Variants in PF4 observed in about 807,000 individuals in gnomAD.
PF4 encodes the protein C-X-C motif chemokine 4.
In PF4, 8 loss-of-function variants were observed where a neutral mutation model predicts 6.9. The observed-to-expected ratio is 1.16, with a 90% CI of 0.68 to 2.09. The LOEUF is 2.09. Among genes scored for constraint, PF4 ranks in the 30% most tolerant of loss-of-function variants. The pLI is 0.00. For synonymous variants in PF4, 55 were observed against 56.5 expected (o/e 0.97, Z 0.12); for missense variants, 111 against 122.9 (o/e 0.90, Z 0.46).
chr4:73,981,774 A>T (rs1168943869), intron 1 of PF4, 89 bp downstream of exon 1: 2 of 1,503,636 alleles, frequency 1.3e-6, no homozygotes, highest in African/African-American at 2.8e-5. Flanking sequence ...GGCTGTGATC[A>T]TGATCCTAGA....
Position 73,981,098 on chromosome 4 carries a change from A to C in PF4, c.*106T>G. The C allele has an allele frequency of 1.3e-6, 1 of 786,584 alleles. No homozygotes were observed. The highest frequency in any genetic ancestry group is 1.8e-5 in the South Asian group (1 of 55,662). 48.7% of individuals were successfully genotyped at this position (786,584 alleles called of 1,614,324 possible). On this transcript the variant is annotated 3_prime_UTR_variant, in exon 3 of 3. Coordinates refer to ENST00000296029, the MANE Select transcript of PF4 (RefSeq NM_002619.4). The stretch of plus-strand genomic sequence containing the variant: ...CAACTTGATTTATTTTGTTTATTTA[A>C]AATCATAAGGATAACACAAATATCA...
chr4:73,981,844 G>A lies in PF4; in HGVS notation c.91+19C>T, dbSNP rs1349991219. 2 of 1,550,430 alleles carry A rather than the reference G, an allele frequency of 1.3e-6. No individual in the cohort carries two copies. The highest frequency in any genetic ancestry group is 2.7e-5 in the African/African-American group (2 of 72,994). On this transcript the variant is annotated intron_variant, in intron 1 of 2. Transcript: ENST00000296029. ...CCCCTCGCCGCTGCCAGCCCTCACA[G>A]CCTGGCTTCTGCTCTCACCGCTGGC...
upstream of PF4, chr4:73,982,090 T>C (rs1310629615): frequency 6.6e-6 from 4 of 601,818 alleles, no homozygotes; most frequent in Non-Finnish European, 8.3e-6. Context: ...AAGCCTGAAG[T>C]GGACACCGAG....
At chr4:73,981,608 A>G in intron 1 of PF4, 65 bp from the exon 2 acceptor site, 1 of 1,555,974 alleles carries the variant, frequency 6.4e-7, no homozygotes, top group Admixed American at 1.9e-5. Context: ...ATGAGTAGCC[A>G]GAGGTACTTT....
At chr4:73,981,383 C>G (rs779080099) in intron 2 of PF4, 34 bp downstream of exon 2, 2 of 1,614,004 alleles carry the variant, frequency 1.2e-6, no homozygotes, top group Admixed American at 3.3e-5. Context: ...AGGCACGGAG[C>G]GGGAGCACTG....
At position 73,981,126 on chromosome 4, in the gene PF4, A is replaced by G; in HGVS notation, c.*78T>C. ...TCATAAGGATAACACAAATATCAGA[A>G]GTTCTTTCACAGTTAGATTGAAACT... On this transcript the variant is annotated 3_prime_UTR_variant, in exon 3 of 3. Transcript: ENST00000296029. 1 of 952,078 alleles carries G rather than the reference A, an allele frequency of 1.1e-6. No homozygotes were observed. The highest frequency in any genetic ancestry group is 1.7e-6 in the Non-Finnish European group (1 of 597,422). 59.0% of individuals were successfully genotyped at this position (952,078 alleles called of 1,614,324 possible).
rs352004 is a variant in PF4 at position 73,980,853 on chromosome 4, G to A, written c.*351C>T. Among the ~76,000 whole-genome samples, 11,212 of 152,152 alleles carry A rather than the reference G, an allele frequency of 0.074. 1,320 individuals are homozygous for A. The highest frequency in any genetic ancestry group is 0.25 in the African/African-American group (10,346 of 41,470). On this transcript the variant is annotated 3_prime_UTR_variant, in exon 3 of 3. Transcript: ENST00000296029. ...GTGTTACTGATATTTATTGGCAAAG[G>A]TAATAATAATGGTCAAGGTAAATAT...
Position 73,981,180 on chromosome 4 carries a change from T to A in PF4, c.*24A>T, listed in dbSNP as rs776469211. ...AAAAAGAAGTATGCTATATAGCAAA[T>A]GCACACACGTAGGCAGCTAGTAGCT... On this transcript the variant is annotated 3_prime_UTR_variant, in exon 3 of 3. Coordinates refer to ENST00000296029, the MANE Select transcript of PF4 (RefSeq NM_002619.4). The A allele has an allele frequency of 6.5e-7, 1 of 1,531,286 alleles. No individual in the cohort carries two copies. Among genetic ancestry groups the A allele is most frequent in the South Asian group, 1.1e-5 (1 of 89,444 alleles). The allele number at this position is 1,531,286 out of a possible 1,614,324, so 94.9% of individuals were successfully genotyped here. A position where few individuals can be genotyped will look rare whatever the true frequency, so the allele number is the denominator to read the frequency against.
intron 1 of PF4, 141 bp downstream of exon 1, chr4:73,981,722 T>G: frequency 6.8e-7 from 1 of 1,475,082 alleles, no homozygotes; most frequent in Admixed American, 2.4e-5. Flanking sequence ...GTGCAGCGCC[T>G]GGCACTGTGG....
At position 73,981,196 on chromosome 4, in the gene PF4, G is replaced by A. The variant is rs770725817; in HGVS notation, c.*8C>T. On this transcript the variant is annotated 3_prime_UTR_variant, in exon 3 of 3. Coordinates refer to ENST00000296029, the MANE Select transcript of PF4 (RefSeq NM_002619.4). ...TATAGCAAATGCACACACGTAGGCA[G>A]CTAGTAGCTAACTCTCCAAAAGTTT... The A allele has an allele frequency of 4.6e-5, 74 of 1,602,246 alleles. No individual in the cohort carries two copies. Among genetic ancestry groups the A allele is most frequent in the Non-Finnish European group, 5.9e-5 (69 of 1,169,232 alleles).
chr4:73,981,809 T>C (rs1718804564), intron 1 of PF4, 54 bp downstream of exon 1: 5 of 1,543,084 alleles, frequency 3.2e-6, no homozygotes, highest in Non-Finnish European at 3.5e-6. Flanking sequence ...CCCCAGGGCT[T>C]CCCGGACTCC....
At chr4:73,982,060 C>T (rs1718819711), upstream of PF4, 1 of 895,062 alleles carries the variant, frequency 1.1e-6, no homozygotes, top group South Asian at 1.7e-5. Flanking sequence ...GTTTTATTCC[C>T]GGCTGTCCTT....
Position 73,981,961 on chromosome 4 carries a change from C to T in PF4, c.-8G>A. On this transcript the variant is annotated 5_prime_UTR_variant, in exon 1 of 3. Coordinates refer to ENST00000296029, the MANE Select transcript of PF4 (RefSeq NM_002619.4). The stretch of plus-strand genomic sequence containing the variant: ...CCCGGCTGCGGAGCTCATGCTGCGG[C>T]AGAGCTTCCAGCAGGATCTCAGTGC... 1.3e-6 allele frequency: 2 copies of T among 1,549,832 alleles called. No individual in the cohort carries two copies. The highest frequency in any genetic ancestry group is 1.2e-5 in the South Asian group (1 of 83,968).
chr4:73,981,527 A>G lies in PF4; in HGVS notation c.108T>C (p.Asp36=). 6.2e-7 allele frequency: 1 copy of G among 1,613,612 alleles called. No homozygotes were observed. Among genetic ancestry groups the G allele is most frequent in the Non-Finnish European group, 8.5e-7 (1 of 1,179,756 alleles). The change falls in exon 2 of 3, where the codon GAT becomes GAC. Residue 36 remains aspartate, a synonymous_variant. Transcript: ENST00000296029. ...VAFASAEAEE[D]GDLQCLCVKT... The stretch of plus-strand genomic sequence containing the variant: ...TCACACACAGGCACTGCAGGTCCCC[A>G]TCTTCTTCAGCTTCAGCTGAGGGGG...
At chr4:73,981,842 C>T in intron 1 of PF4, 21 bp downstream of exon 1, 1 of 1,550,446 alleles carries the variant, frequency 6.4e-7, no homozygotes, top group Non-Finnish European at 8.7e-7. Flanking sequence ...CCAGCCCTCA[C>T]AGCCTGGCTT....
upstream of PF4, chr4:73,982,046 G>C (rs981253501): frequency 2.9e-6 from 3 of 1,050,364 alleles, no homozygotes; most frequent in Non-Finnish European, 4.2e-6. Context: ...AGCCTCGCCG[G>C]CACGTTTTAT....
chr4:73,980,953 T>C lies in PF4; in HGVS notation c.*251A>G. 1 of 492,940 alleles carries C rather than the reference T, an allele frequency of 2.0e-6. No homozygotes were observed. The highest frequency in any genetic ancestry group is 2.4e-5 in the South Asian group (1 of 41,032). 30.5% of individuals were successfully genotyped at this position (492,940 alleles called of 1,614,324 possible). On this transcript the variant is annotated 3_prime_UTR_variant, in exon 3 of 3. Transcript: ENST00000296029. ...AACATGTAACACCAAGCATAACCAGTATTCACACCTTCCTTCAAAATACTT... is the reference window on the plus strand; with the variant it reads ...AACATGTAACACCAAGCATAACCAGCATTCACACCTTCCTTCAAAATACTT...
chr4:73,981,979 C>A lies in PF4; in HGVS notation c.-26G>T, dbSNP rs1718815033. The A allele has an allele frequency of 6.5e-7, 1 of 1,533,042 alleles. No homozygotes were observed. Among genetic ancestry groups the A allele is most frequent in the Non-Finnish European group, 8.8e-7 (1 of 1,131,278 alleles). 95.0% of individuals were successfully genotyped at this position (1,533,042 alleles called of 1,614,324 possible). ...GCTGCGGCAGAGCTTCCAGCAGGAT[C>A]TCAGTGCTCAGTGCGATGGGAAACT... On this transcript the variant is annotated 5_prime_UTR_variant, in exon 1 of 3. Coordinates refer to ENST00000296029, the MANE Select transcript of PF4 (RefSeq NM_002619.4).
rs932050723 is a variant in PF4, at chr4:73,981,036, T to G, written c.*168A>C. ...TGAAATTGTTATGTGTCAACACAAT[T>G]TTTGCACTATTATTAAGAAGTATTT... On this transcript the variant is annotated 3_prime_UTR_variant, in exon 3 of 3. Transcript: ENST00000296029. 3.3e-6 allele frequency: 2 copies of G among 597,238 alleles called. No individual in the cohort carries two copies. The highest frequency in any genetic ancestry group is 5.6e-5 in the East Asian group (2 of 35,534). 37.0% of individuals were successfully genotyped at this position (597,238 alleles called of 1,614,324 possible).
Sources: allele counts gnomAD v4.1 joint callset (sites outside exome capture counted in the v4.1 genomes callset), GRCh38; gene constraint gnomAD v4.1.1; transcripts MANE v1.5; gene names NCBI Gene and HGNC (gene_info 2026-07-23, HGNC 2026-07-21).